The following CTR9 variants were observed in gnomAD, a reference collection of about 807,000 sequenced individuals.
The protein encoded by CTR9 is CTR9 component of Paf1/RNA polymerase II complex, also known as RNA polymerase-associated protein CTR9 homolog.
Under a neutral mutation model 152.1 loss-of-function variants are expected in CTR9, and 41 were observed. The observed-to-expected ratio is 0.27, with a 90% confidence interval of 0.21 to 0.35. The LOEUF is 0.35. Ranked by LOEUF, CTR9 falls within the 10% of genes least tolerant of loss-of-function variation. The probability of loss-of-function intolerance (pLI) is 1.00; values close to 1 mark genes in which losing one functional copy is unlikely to be tolerated. For synonymous variants in CTR9, 476 were observed against 496.2 expected (o/e 0.96, Z 0.54); for missense variants, 917 against 1,424.4 (o/e 0.64, Z 5.73).
In CTR9 at chr11:10,760,210, A is replaced by G. The variant is rs777671527; in HGVS notation, c.630A>G (p.Lys210=). The change falls in exon 6 of 25, where the codon AAA becomes AAG. Residue 210 remains lysine, a synonymous_variant. Coordinates refer to ENST00000361367, the MANE Select transcript of CTR9 (RefSeq NM_014633.5). The part of the protein sequence containing the change: ...VRLGMGHCFV[K]LNKLEKARLA... ...TAGGAATGGGTCATTGCTTTGTGAA[A>G]CTTAACAAACTGGAAAAAGCTCGTC... 18 of 1,614,004 alleles carry G rather than the reference A, an allele frequency of 1.1e-5. No homozygotes were observed. The highest frequency in any genetic ancestry group is 1.5e-5 in the Non-Finnish European group (18 of 1,179,966).
intron 24 of CTR9, 66 bp downstream of exon 24, chr11:10,775,699 G>A: frequency 9.4e-7 from 1 of 1,061,608 alleles, no homozygotes; most frequent in Non-Finnish European, 1.4e-6. Flanking sequence ...TTACTAATCA[G>A]CCTGTCTGTA....
chr11:10,761,826 A>G lies in CTR9; in HGVS notation c.742-121A>G, dbSNP rs1035568213. The G allele has an allele frequency of 5.8e-5, 31 of 533,464 alleles. No individual in the cohort carries two copies. In the East Asian group the frequency reaches 9.7e-4, roughly 17 times the overall value. 33.0% of individuals were successfully genotyped at this position (533,464 alleles called of 1,614,324 possible). A position where few individuals can be genotyped will look rare whatever the true frequency, so the allele number is the denominator to read the frequency against. The stretch of plus-strand genomic sequence containing the variant: ...ATATTTAAAATCATAAGAAGCTTCT[A>G]ATCCGTTTTAGTGTCTGATCTTAGG... On this transcript the variant is annotated intron_variant, in intron 6 of 24. Coordinates refer to ENST00000361367, the MANE Select transcript of CTR9 (RefSeq NM_014633.5).
At chr11:10,756,630 T>C (rs1405456188) in intron 4 of CTR9, 119 bp from the exon 5 acceptor site, 1 of 628,166 alleles carries the variant, frequency 1.6e-6, no homozygotes, top group East Asian at 2.9e-5. Flanking sequence ...GAAATTTTGT[T>C]CTGTGTTTTC....
intron 22 of CTR9, 59 bp downstream of exon 22, chr11:10,774,228 C>G: frequency 6.6e-7 from 1 of 1,521,608 alleles, no homozygotes; most frequent in Non-Finnish European, 8.8e-7. Flanking sequence ...AGACCTTTTA[C>G]CTTCTGAATC....
At chr11:10,761,277 A>T (rs1289319673) in intron 6 of CTR9, among the ~76,000 whole-genome samples, 1 of 143,278 alleles carries the variant, frequency 7.0e-6, no homozygotes, top group African/African-American at 2.6e-5. Context: ...ATCAATCATG[A>T]TTCATCCCCC....
At chr11:10,773,079 A>C (rs750678240) in intron 20 of CTR9, 48 bp from the exon 21 acceptor site, 2 of 1,570,190 alleles carry the variant, frequency 1.3e-6, no homozygotes, top group Admixed American at 4.3e-5. Context: ...ATTTTTCATC[A>C]TAAGAAAATT....
intron 5 of CTR9, among the ~76,000 whole-genome samples, chr11:10,758,041 G>T (rs1298788982): frequency 6.6e-6 from 1 of 152,042 alleles, no homozygotes; most frequent in Non-Finnish European, 1.5e-5. Flanking sequence ...GTTTAAGGAA[G>T]AGTAAGGAGG....
intron 2 of CTR9, among the ~76,000 whole-genome samples, chr11:10,754,567 C>G (rs140447161): frequency 3.3e-5 from 5 of 152,184 alleles, no homozygotes; most frequent in African/African-American, 1.2e-4. Context: ...GTACCACTCC[C>G]CACAAGTCCC....
In CTR9 at chr11:10,767,673, AG is replaced by A; in HGVS notation, c.1687-132del. 1.3e-6 allele frequency: 1 copy of A among 794,572 alleles called. No individual in the cohort carries two copies. Among genetic ancestry groups the A allele is most frequent in the Non-Finnish European group, 2.0e-6 (1 of 502,452 alleles). The allele number at this position is 794,572 out of a possible 1,614,324, so 49.2% of individuals were successfully genotyped here. A position where few individuals can be genotyped will look rare whatever the true frequency, so the allele number is the denominator to read the frequency against. ...GATTGCCATGCAAAAAAAAAAAGAA[AG>A]AAAGAAAAGAAAGAAAACCACTGTT... On this transcript the variant is annotated intron_variant, in intron 13 of 24. Coordinates refer to ENST00000361367, the MANE Select transcript of CTR9 (RefSeq NM_014633.5). This position sits in a 1 kb window ranked among gnomAD's most constrained non-coding sequence, Gnocchi z 4.0.
At chr11:10,770,864 AT>A (rs1863132962) in intron 18 of CTR9, among the ~76,000 whole-genome samples, 1 of 152,212 alleles carries the variant, frequency 6.6e-6, no homozygotes, top group Non-Finnish European at 1.5e-5. Context: ...ATCCTGCCAG[AT>A]TTGGATCTTG....
intron 22 of CTR9, 140 bp downstream of exon 22, chr11:10,774,309 A>G (rs1473300623): frequency 2.0e-6 from 2 of 1,020,448 alleles, no homozygotes; most frequent in Non-Finnish European, 2.8e-6. Context: ...TTCCTACTTT[A>G]ATCCTAAGAT....
At chr11:10,754,807 C>A in intron 2 of CTR9, 151 bp from the exon 3 acceptor site, 1 of 729,102 alleles carries the variant, frequency 1.4e-6, no homozygotes, top group East Asian at 2.7e-5. Flanking sequence ...TATGGATACA[C>A]CACAGCTTGT....
chr11:10,757,462 G>T (rs896160460), intron 5 of CTR9, among the ~76,000 whole-genome samples: 1 of 151,080 alleles, frequency 6.6e-6, no homozygotes, highest in Non-Finnish European at 1.5e-5. Flanking sequence ...GCTTGTGGTC[G>T]CACCTACACA....
At position 10,767,736 on chromosome 11, in the gene CTR9, T is replaced by C; in HGVS notation, c.1687-70T>C. 1.5e-6 allele frequency: 2 copies of C among 1,290,478 alleles called. No individual in the cohort carries two copies. Among genetic ancestry groups the C allele is most frequent in the Non-Finnish European group, 1.1e-6 (1 of 895,200 alleles). The allele number at this position is 1,290,478 out of a possible 1,614,324, so 79.9% of individuals were successfully genotyped here. On this transcript the variant is annotated intron_variant, in intron 13 of 24. Transcript: ENST00000361367. The surrounding 1 kb of genome is among the most constrained non-coding windows in gnomAD (Gnocchi z 4.0). ...TGTAAACCTCTTCAGTAATCAGCTA[T>C]TGTGGGAAGATGATTGATCTCTGTC...
Position 10,778,945 on chromosome 11 carries a change from C to G in CTR9, c.3362C>G (p.Ser1121Cys). ...CACTCAGGAGTTTCTGAGAACGACT[C>G]TCGCCCAGCTTCTCCAAGTGCCGAA... Reference protein sequence around the residue: ...RSHSGVSENDSRPASPSAESD... With the variant: ...RSHSGVSENDCRPASPSAESD... Residue 1121 changes from serine (S) to cysteine (C), a missense_variant, in exon 25 of 25, where the codon TCT becomes TGT. Around this residue, in one of 9 missense-constraint regions of CTR9, gnomAD observed 384 missense variants for 398.4 expected, o/e 0.96. Coordinates refer to ENST00000361367, the MANE Select transcript of CTR9 (RefSeq NM_014633.5). 1 of 1,614,146 alleles carries G rather than the reference C, an allele frequency of 6.2e-7. No homozygotes were observed. Among genetic ancestry groups the G allele is most frequent in the Non-Finnish European group, 8.5e-7 (1 of 1,180,026 alleles).
chr11:10,756,715 C>G, intron 4 of CTR9, 34 bp from the exon 5 acceptor site: 1 of 1,460,398 alleles, frequency 6.8e-7, no homozygotes. Context: ...AGCCTTTAAT[C>G]AGACACTGTG....
rs1217844462 is a variant in CTR9 at position 10,764,156 on chromosome 11, A to G, written c.1239A>G (p.Glu413=). Reference sequence around the variant, plus strand: ...CAGAACAGTATCCCGATGATGTTGAAGCTTGGATTGAATTGGCACAAATCT... The same window carrying G: ...CAGAACAGTATCCCGATGATGTTGAGGCTTGGATTGAATTGGCACAAATCT... ...KVTEQYPDDV[E]AWIELAQILE... is the part of the protein sequence containing the mutation. Residue 413 remains glutamate (E), a synonymous_variant, in exon 10 of 25, where the codon GAA becomes GAG. Transcript: ENST00000361367. 1.2e-6 allele frequency: 2 copies of G among 1,614,212 alleles called. No individual in the cohort carries two copies. Among genetic ancestry groups the G allele is most frequent in the Admixed American group, 3.3e-5 (2 of 60,030 alleles).
At chr11:10,772,999 T>A in intron 20 of CTR9, 128 bp from the exon 21 acceptor site, 2 of 1,081,620 alleles carry the variant, frequency 1.8e-6, no homozygotes, top group South Asian at 3.2e-5. Flanking sequence ...TGTACTCCAG[T>A]CTAGGCAACA....
intron 1 of CTR9, among the ~76,000 whole-genome samples, chr11:10,751,844 C>T (rs1271774486): frequency 6.6e-6 from 1 of 152,140 alleles, no homozygotes; most frequent in Admixed American, 6.5e-5. Flanking sequence ...GCTGCTCAAA[C>T]TCGAGATCTT....
Sources: gnomAD v4.1 joint callset for allele counts (sites outside exome capture counted in the v4.1 genomes callset) on GRCh38, gnomAD v4.1.1 for gene constraint, gnomAD v4.1.1 regional missense constraint, Gnocchi (gnomAD v3.1) non-coding constraint, MANE v1.5 for transcripts, NCBI Gene and HGNC (gene_info 2026-07-23, HGNC 2026-07-21) for gene names.